The following ZRANB3 variants were observed in gnomAD, a reference collection of about 807,000 sequenced individuals.
ZRANB3 encodes the protein zinc finger RANBP2-type containing 3.
In ZRANB3, 125 loss-of-function variants were observed where a neutral mutation model predicts 133.8. The observed-to-expected ratio is 0.93, with a 90% confidence interval of 0.81 to 1.08. The LOEUF (loss-of-function observed/expected upper bound fraction) is 1.08, where lower values mean the gene tolerates loss of function less well. Among genes scored for constraint, ZRANB3 ranks in the 50% least tolerant of loss-of-function variants. ZRANB3 has a pLI of 0.00. For synonymous variants in ZRANB3, 387 were observed against 432.7 expected (o/e 0.89, Z 1.31); for missense variants, 1,229 against 1,275.5 (o/e 0.96, Z 0.56).
intron 2 of ZRANB3, among the ~76,000 whole-genome samples, chr2:135,400,657 G>C (rs1180496813): frequency 6.6e-6 from 1 of 152,124 alleles, no homozygotes. Context: ...ATTCTTAAAA[G>C]GTTGTTCACC....
At chr2:135,305,012 T>A (rs1024768496) in intron 8 of ZRANB3, among the ~76,000 whole-genome samples, 2 of 152,194 alleles carry the variant, frequency 1.3e-5, no homozygotes, top group Non-Finnish European at 2.9e-5. Flanking sequence ...GGTCTCACTA[T>A]GTCGCCCAGG....
chr2:135,385,539 C>T (rs192108343), intron 3 of ZRANB3, among the ~76,000 whole-genome samples: 26 of 152,184 alleles, frequency 1.7e-4, no homozygotes, highest in Admixed American at 1.5e-3. Flanking sequence ...GACAATCCTA[C>T]ACAAAGAAAA....
chr2:135,309,782 A>C (rs920598590), intron 8 of ZRANB3, among the ~76,000 whole-genome samples: 2 of 152,218 alleles, frequency 1.3e-5, no homozygotes, highest in African/African-American at 4.8e-5. Context: ...AATTCTTCCA[A>C]ATTAGTCAAC....
intron 15 of ZRANB3, among the ~76,000 whole-genome samples, chr2:135,222,860 T>C (rs576752921): frequency 8.5e-5 from 13 of 152,130 alleles, no homozygotes; most frequent in African/African-American, 2.9e-4. Flanking sequence ...CCTATAATCC[T>C]AGCACTTTAG....
chr2:135,278,365 T>C (rs1332630575), intron 8 of ZRANB3, among the ~76,000 whole-genome samples: 1 of 152,170 alleles, frequency 6.6e-6, no homozygotes, highest in African/African-American at 2.4e-5. Context: ...TCAGATAGAA[T>C]AGTAATATTT....
At chr2:135,399,011 G>A (rs1356044017) in intron 2 of ZRANB3, among the ~76,000 whole-genome samples, 1 of 152,298 alleles carries the variant, frequency 6.6e-6, no homozygotes, top group South Asian at 2.1e-4. Flanking sequence ...CATCCATAGT[G>A]TGACTGTGAT....
chr2:135,426,366 G>A (rs960913286), intron 2 of ZRANB3, among the ~76,000 whole-genome samples: 2 of 151,946 alleles, frequency 1.3e-5, no homozygotes, highest in African/African-American at 4.8e-5. Flanking sequence ...ACCAAAACCT[G>A]GCAGAGCCAC....
rs149347849 is a variant in ZRANB3, at chr2:135,474,547, G to A, written c.161+29782C>T. ...GAAGCTGGCGCCTCCTCTCTCTCTT[G>A]CTCCCTCTCTCACCATATGACATGC... is the stretch of plus-strand genomic sequence containing the variant. On this transcript the variant is annotated intron_variant, in intron 2 of 20. Transcript: ENST00000264159. Among the ~76,000 whole-genome samples the A allele has an allele frequency of 9.7e-4, 148 of 152,070 alleles. 2 individuals carry two copies. The South Asian group carries it at 0.015, about 15-fold the overall frequency.
intron 7 of ZRANB3, among the ~76,000 whole-genome samples, chr2:135,314,779 C>T (rs1208584248): frequency 1.3e-5 from 2 of 149,860 alleles, no homozygotes; most frequent in Non-Finnish European, 3.0e-5. Context: ...GATGGAGTCT[C>T]GCTCTGTTGC....
At chr2:135,438,505 C>CA (rs1157022707) in intron 2 of ZRANB3, among the ~76,000 whole-genome samples, 6,135 of 74,778 alleles carry the variant, frequency 0.082, 184 homozygotes, top group South Asian at 0.14. Flanking sequence ...AACCCCGTCT[C>CA]AAAAAAAAAA....
intron 2 of ZRANB3, among the ~76,000 whole-genome samples, chr2:135,502,354 T>C (rs1354543865): frequency 1.3e-5 from 2 of 152,220 alleles, no homozygotes; most frequent in African/African-American, 4.8e-5. Flanking sequence ...TTTTGCTACA[T>C]GTATCCATAT....
intron 8 of ZRANB3, among the ~76,000 whole-genome samples, chr2:135,296,300 C>T (rs1682084065): frequency 6.6e-6 from 1 of 152,132 alleles, no homozygotes; most frequent in Admixed American, 6.6e-5. Context: ...TTTCTCTAAA[C>T]TTTTCTTCTT....
intron 3 of ZRANB3, among the ~76,000 whole-genome samples, chr2:135,389,746 T>C (rs1687139050): frequency 6.6e-6 from 1 of 152,130 alleles, no homozygotes; most frequent in South Asian, 2.1e-4. Flanking sequence ...TGGGAGTCTA[T>C]ATGCAAGCAA....
intron 2 of ZRANB3, among the ~76,000 whole-genome samples, chr2:135,399,393 T>C (rs1225926932): frequency 6.6e-6 from 1 of 152,094 alleles, no homozygotes; most frequent in Non-Finnish European, 1.5e-5. Flanking sequence ...TCGACAAAAA[T>C]TCACAGGTTT....
chr2:135,266,265 T>C (rs1199939931), intron 11 of ZRANB3, among the ~76,000 whole-genome samples: 1 of 152,190 alleles, frequency 6.6e-6, no homozygotes, highest in Non-Finnish European at 1.5e-5. Context: ...AACAGACTCT[T>C]TGTAGCAACA....
At chr2:135,327,938 A>C (rs1683918745) in intron 6 of ZRANB3, among the ~76,000 whole-genome samples, 1 of 152,148 alleles carries the variant, frequency 6.6e-6, no homozygotes, top group South Asian at 2.1e-4. Context: ...GTACAATATG[A>C]TCTTATTTAT....
At chr2:135,316,383 T>C (rs1683252345) in intron 6 of ZRANB3, among the ~76,000 whole-genome samples, 1 of 152,178 alleles carries the variant, frequency 6.6e-6, no homozygotes, top group South Asian at 2.1e-4. Context: ...CATATCCCTA[T>C]CAATGTGACA....
intron 2 of ZRANB3, among the ~76,000 whole-genome samples, chr2:135,463,439 C>T (rs1254703037): frequency 6.7e-6 from 1 of 149,378 alleles, no homozygotes; most frequent in African/African-American, 2.5e-5. Flanking sequence ...TTTTTTGAGA[C>T]GGAGTTTTAC....
At chr2:135,374,218 C>T (rs1334317981) in intron 3 of ZRANB3, among the ~76,000 whole-genome samples, 3 of 152,168 alleles carry the variant, frequency 2.0e-5, no homozygotes, top group Admixed American at 6.5e-5. Flanking sequence ...ACCACACTAG[C>T]GAACATGCGA....
Sources: gnomAD v4.1 joint callset for allele counts (sites outside exome capture counted in the v4.1 genomes callset) on GRCh38, gnomAD v4.1.1 for gene constraint, MANE v1.5 for transcripts, NCBI Gene and HGNC (gene_info 2026-07-23, HGNC 2026-07-21) for gene names.